Variants in HOXD11 observed in about 807,000 individuals in gnomAD.
HOXD11 encodes the protein homeobox D11, also known as homeobox protein Hox-D11.
HOXD11 carries 16 observed loss-of-function variants against 23.1 expected under a neutral mutation model. The ratio of observed to expected loss-of-function variants is 0.69; its 90% CI spans 0.47 to 1.05. HOXD11 has a LOEUF of 1.05. Ranked by LOEUF, HOXD11 falls within the 50% of genes least tolerant of loss-of-function variation. HOXD11 has a pLI of 0.00. For synonymous variants in HOXD11, 262 were observed against 224.4 expected (o/e 1.17, Z -1.50); for missense variants, 564 against 495.6 (o/e 1.14, Z -1.31).
In HOXD11 at chr2:176,108,070, GA is replaced by G; in HGVS notation, c.717del (p.Gly240AlafsTer52). On this transcript the variant is annotated frameshift_variant, in exon 1 of 2. Transcript: ENST00000249504. LOFTEE classifies it high-confidence loss of function. Reference protein sequence around the residue: ...TPGSEPKGAAEGSGGDGEGPP... With the variant: ...TPGSEPKGAAXGSGGDGEGPP... The stretch of plus-strand genomic sequence containing the variant: ...TGGCTCGGAGCCCAAGGGGGCAGCA[GA>G]AGGCAGCGGTGGCGACGGCGAGGGC... 1 of 1,479,874 alleles carries G rather than the reference GA, an allele frequency of 6.8e-7. No individual in the cohort carries two copies. Among genetic ancestry groups the G allele is most frequent in the South Asian group, 1.3e-5 (1 of 78,260 alleles). The allele number at this position is 1,479,874 out of a possible 1,614,324, so 91.7% of individuals were successfully genotyped here.
Position 176,107,609 on chromosome 2 carries a change from G to T in HOXD11, c.254G>T (p.Gly85Val), listed in dbSNP as rs760073370. 3 of 1,227,362 alleles carry T rather than the reference G, an allele frequency of 2.4e-6. No homozygotes were observed. Among genetic ancestry groups the T allele is most frequent in the Non-Finnish European group, 3.1e-6 (3 of 972,768 alleles). The allele number at this position is 1,227,362 out of a possible 1,614,324, so 76.0% of individuals were successfully genotyped here. The change falls in exon 1 of 2, where the codon GGG becomes GTG. Residue 85 changes from glycine to valine, a missense_variant. Gly to Val is a moderately radical substitution (Grantham distance 109). Coordinates refer to ENST00000249504, the MANE Select transcript of HOXD11 (RefSeq NM_021192.3). ...GGCGGCGGCGGCGGCGGCAGCGCGG[G>T]GGGCGGCAGCAGCGGGGGCGGCCCC... ...YRGGGGGGSAGGGSSGGGPGG... is the reference protein window; with the variant it reads ...YRGGGGGGSAVGGSSGGGPGG...
In HOXD11 at chr2:176,109,523, C is replaced by T. The variant is rs1689646534; in HGVS notation, c.*381C>T. 2.2e-5 allele frequency: 6 copies of T among 270,300 alleles called. No homozygotes were observed. The highest frequency in any genetic ancestry group is 1.9e-4 in the Admixed American group (4 of 20,740). The allele number at this position is 270,300 out of a possible 1,614,324, so 16.7% of individuals were successfully genotyped here. A position where few individuals can be genotyped will look rare whatever the true frequency, so the allele number is the denominator to read the frequency against. ...TGCTCTGAGTTTTAAGAGATCCCTT[C>T]CTTCCTCTTCGGTGAATGCAGGTTA... On this transcript the variant is annotated 3_prime_UTR_variant, in exon 2 of 2. Transcript: ENST00000249504.
chr2:176,112,887 G>A (rs543180852), downstream of HOXD11, among the ~76,000 whole-genome samples: 5 of 152,320 alleles, frequency 3.3e-5, no homozygotes, highest in African/African-American at 9.6e-5. Flanking sequence ...ACCTCTGGGG[G>A]CTGAAGACCT....
At chr2:176,108,450 A>C (rs1689620709) in intron 1 of HOXD11, among the ~76,000 whole-genome samples, 1 of 148,908 alleles carries the variant, frequency 6.7e-6, no homozygotes, top group Admixed American at 6.7e-5. Context: ...GAGTGCATAC[A>C]CCGGAGCCTC....
At chr2:176,113,045 C>A (rs556227244), downstream of HOXD11, among the ~76,000 whole-genome samples, 12 of 152,336 alleles carry the variant, frequency 7.9e-5, 1 homozygote, top group African/African-American at 2.9e-4. Context: ...CTCCGGCCGC[C>A]GGCCCTTGTT....
intron 1 of HOXD11, chr2:176,108,698 T>TGTGTGA: frequency 1.7e-6 from 1 of 572,460 alleles, no homozygotes; most frequent in Admixed American, 3.1e-5. Context: ...TGTGTGTGTG[T>TGTGTGA]CCGGGCGTGA....
chr2:176,111,826 C>CAAAAAAAAAAAAACAAAAA (rs1689676680), downstream of HOXD11, among the ~76,000 whole-genome samples: 1 of 22,740 alleles, frequency 4.4e-5, no homozygotes, highest in Non-Finnish European at 7.5e-5. Context: ...CTCCCCCCCG[C>CAAAAAAAAAAAAACAAAAA]AAAAAAAAAA....
At position 176,109,112 on chromosome 2, in the gene HOXD11, G is replaced by A. The variant is rs768798009; in HGVS notation, c.987G>A (p.Leu329=). The A allele has an allele frequency of 9.4e-5, 152 of 1,613,682 alleles. 1 individual carries two copies. The South Asian group carries it at 1.1e-3, about 12-fold the overall frequency. ...MKEKKLNRDR[L]QYFTGNPLF ...AAAAGAAACTGAACAGAGACCGTCTGCAGTATTTCACTGGAAACCCCTTAT... is the reference window on the plus strand; with the variant it reads ...AAAAGAAACTGAACAGAGACCGTCTACAGTATTTCACTGGAAACCCCTTAT... The change falls in exon 2 of 2, where the codon CTG becomes CTA. Residue 329 remains leucine, a synonymous_variant. Coordinates refer to ENST00000249504, the MANE Select transcript of HOXD11 (RefSeq NM_021192.3).
chr2:176,113,718 C>A (rs960094663), downstream of HOXD11, among the ~76,000 whole-genome samples: 1 of 152,050 alleles, frequency 6.6e-6, no homozygotes, highest in Non-Finnish European at 1.5e-5. Flanking sequence ...TCTCAAGGAG[C>A]GGGTCTGAAA....
chr2:176,109,604 C>CT lies in HOXD11; in HGVS notation c.*469dup, dbSNP rs886985109. The CT allele has an allele frequency of 6.1e-5, 14 of 231,006 alleles. No homozygotes were observed. Among genetic ancestry groups the CT allele is most frequent in the African/African-American group, 1.8e-4 (8 of 44,786 alleles). 14.3% of individuals were successfully genotyped at this position (231,006 alleles called of 1,614,324 possible). On this transcript the variant is annotated 3_prime_UTR_variant, in exon 2 of 2. Transcript: ENST00000249504. ...GTCATATCAAGGCATGAGTCACTGT[C>CT]TTTTTTTGTGTGAATAAATGGTTTC...
Position 176,109,100 on chromosome 2 carries a change from C to T in HOXD11, c.975C>T (p.Asn325=). ...QNRRMKEKKL[N]RDRLQYFTGN... is the part of the protein sequence containing the mutation. ...GCAGGATGAAAGAAAAGAAACTGAACAGAGACCGTCTGCAGTATTTCACTG... is the reference window on the plus strand; with the variant it reads ...GCAGGATGAAAGAAAAGAAACTGAATAGAGACCGTCTGCAGTATTTCACTG... Residue 325 remains asparagine, a synonymous_variant, in exon 2 of 2, where the codon AAC becomes AAT. Transcript: ENST00000249504. 6.2e-7 allele frequency: 1 copy of T among 1,613,996 alleles called. No individual in the cohort carries two copies. The highest frequency in any genetic ancestry group is 2.2e-5 in the East Asian group (1 of 44,880).
chr2:176,112,837 G>T (rs544013285), downstream of HOXD11, among the ~76,000 whole-genome samples: 2 of 152,298 alleles, frequency 1.3e-5, no homozygotes, highest in South Asian at 2.1e-4. Flanking sequence ...TCCTCCCTGC[G>T]CCCAAGATGG....
At chr2:176,108,186 G>GT in intron 1 of HOXD11, 50 bp downstream of exon 1, 1 of 692,072 alleles carries the variant, frequency 1.4e-6, no homozygotes. Context: ...CGCGGGGGAG[G>GT]GGGGGGGGGC....
chr2:176,111,840 A>AAAAAAAAC (rs1553518457), downstream of HOXD11, among the ~76,000 whole-genome samples: 2,032 of 140,776 alleles, frequency 0.014, 78 homozygotes, highest in Non-Finnish European at 0.025. Context: ...AAAAAAAAAA[A>AAAAAAAAC]AAAAAAAAAC....
At chr2:176,108,213 T>G in intron 1 of HOXD11, 77 bp downstream of exon 1, 1 of 866,968 alleles carries the variant, frequency 1.2e-6, no homozygotes, top group Non-Finnish European at 1.6e-6. Flanking sequence ...CTCCCTCTGC[T>G]TGCGCCTTTT....
intron 1 of HOXD11, chr2:176,108,676 T>TGTGTGC (rs1219374123): frequency 5.3e-6 from 3 of 560,764 alleles, no homozygotes; most frequent in African/African-American, 3.8e-5. Flanking sequence ...TGTGTGTGTG[T>TGTGTGC]GTGTGTGTGT....
In HOXD11 at chr2:176,107,590, G is replaced by C. The variant is rs760375259; in HGVS notation, c.235G>C (p.Gly79Arg). The change falls in exon 1 of 2, where the codon GGC (glycine) becomes CGC (arginine). Residue 79 changes from glycine (G) to arginine (R), a missense_variant. Gly to Arg is a moderately radical substitution (Grantham distance 125). Coordinates refer to ENST00000249504, the MANE Select transcript of HOXD11 (RefSeq NM_021192.3). The part of the protein sequence containing the change: ...ERAKWPYRGG[G>R]GGGSAGGGSS... Reference sequence around the variant, plus strand: ...CGCCAAGTGGCCGTACCGCGGCGGCGGCGGCGGCGGCAGCGCGGGGGGCGG... The same window carrying C: ...CGCCAAGTGGCCGTACCGCGGCGGCCGCGGCGGCGGCAGCGCGGGGGGCGG... 1 of 1,375,724 alleles carries C rather than the reference G, an allele frequency of 7.3e-7. No homozygotes were observed. Among genetic ancestry groups the C allele is most frequent in the Non-Finnish European group, 9.5e-7 (1 of 1,050,846 alleles). 85.2% of individuals were successfully genotyped at this position (1,375,724 alleles called of 1,614,324 possible).
the HOXD11 span, among the ~76,000 whole-genome samples, chr2:176,115,545 A>G: frequency 6.6e-6 from 1 of 152,244 alleles, no homozygotes. Context: ...GTGTGGCAAC[A>G]GCGGGCATAA....
chr2:176,110,656 A>T (rs1284557926), downstream of HOXD11, among the ~76,000 whole-genome samples: 1 of 152,202 alleles, frequency 6.6e-6, no homozygotes, highest in Non-Finnish European at 1.5e-5. Context: ...TTTCTGAATA[A>T]TTAGGCGCCT....
Sources: gnomAD v4.1 joint callset for allele counts (sites outside exome capture counted in the v4.1 genomes callset) on GRCh38, gnomAD v4.1.1 for gene constraint, MANE v1.5 for transcripts, NCBI Gene and HGNC (gene_info 2026-07-23, HGNC 2026-07-21) for gene names.